The following IL1RAPL1 variants were observed in gnomAD, a reference collection of about 807,000 sequenced individuals.
The protein encoded by IL1RAPL1 is interleukin 1 receptor accessory protein like 1.
A neutral mutation model predicts 48.4 loss-of-function variants in IL1RAPL1; 3 were observed. The ratio of observed to expected loss-of-function variants is 0.06; its 90% CI spans 0.03 to 0.16. The LOEUF (loss-of-function observed/expected upper bound fraction) is 0.16. Ranked by LOEUF, IL1RAPL1 falls within the 10% of genes least tolerant of loss-of-function variation. The probability of loss-of-function intolerance (pLI) is 1.00; values close to 1 mark genes in which losing one functional copy is unlikely to be tolerated. For synonymous variants in IL1RAPL1, 185 were observed against 187.7 expected, an observed-to-expected ratio of 0.99 and a Z score of 0.12; for missense variants, 349 against 530.6, an observed-to-expected ratio of 0.66 and a Z score of 3.36.
chrX:28,660,289 A>T (rs1934807691), intron 1 of IL1RAPL1, among the ~76,000 whole-genome samples: 1 of 110,975 alleles, frequency 9.0e-6, no homozygotes, highest in East Asian at 2.8e-4. Context: ...TTTATAATAC[A>T]TGTAAGAGTT....
chrX:28,619,590 G>C, intron 1 of IL1RAPL1, among the ~76,000 whole-genome samples: 1 of 86,369 alleles, frequency 1.2e-5, no homozygotes, highest in Admixed American at 1.5e-4. Context: ...CTGGGCAACA[G>C]AGTGAGACCC....
intron 1 of IL1RAPL1, among the ~76,000 whole-genome samples, chrX:28,681,845 C>T (rs1027239561): frequency 3.3e-4 from 37 of 111,664 alleles, no homozygotes; most frequent in African/African-American, 1.0e-3. Flanking sequence ...AACTATTCAG[C>T]GGCCTTGAAT....
chrX:29,669,086 C>T (rs891056575), intron 6 of IL1RAPL1, among the ~76,000 whole-genome samples: 3 of 111,189 alleles, frequency 2.7e-5, no homozygotes, highest in South Asian at 3.7e-4. Flanking sequence ...CAATTATATA[C>T]GAATCAGAAT....
chrX:29,687,669 A>C (rs1601779392), intron 6 of IL1RAPL1, among the ~76,000 whole-genome samples: 1 of 112,300 alleles, frequency 8.9e-6, no homozygotes, highest in Non-Finnish European at 1.9e-5. Context: ...TCTCATAAAA[A>C]AGAAATGATA....
chrX:28,970,309 T>C (rs147116487), intron 2 of IL1RAPL1, among the ~76,000 whole-genome samples: 1,753 of 112,646 alleles, frequency 0.016, 39 homozygotes, highest in African/African-American at 0.054. Context: ...GCCAAAACTT[T>C]TACATCTTTA....
chrX:28,941,228 A>G (rs1472452809), intron 2 of IL1RAPL1, among the ~76,000 whole-genome samples: 7 of 111,409 alleles, frequency 6.3e-5, no homozygotes, highest in Non-Finnish European at 1.1e-4. Flanking sequence ...ACAGATATTC[A>G]TATTTGTACC....
At chrX:29,566,756 G>T (rs765119958) in intron 5 of IL1RAPL1, among the ~76,000 whole-genome samples, 9 of 112,153 alleles carry the variant, frequency 8.0e-5, no homozygotes, top group African/African-American at 2.3e-4. Flanking sequence ...TAGCAATATA[G>T]GTTATTAATA....
chrX:28,997,933 G>T (rs1247355888), intron 2 of IL1RAPL1, among the ~76,000 whole-genome samples: 1 of 111,792 alleles, frequency 8.9e-6, no homozygotes, highest in Non-Finnish European at 1.9e-5. Flanking sequence ...ATTCTACAAA[G>T]GTTTATGATT....
At chrX:28,869,487 C>T (rs1383050844) in intron 2 of IL1RAPL1, among the ~76,000 whole-genome samples, 1 of 111,495 alleles carries the variant, frequency 9.0e-6, no homozygotes, top group Non-Finnish European at 1.9e-5. Flanking sequence ...CATTGGAATA[C>T]TTATATAAAC....
At chrX:29,444,975 G>A (rs746433741) in intron 5 of IL1RAPL1, among the ~76,000 whole-genome samples, 22 of 112,319 alleles carry the variant, frequency 2.0e-4, no homozygotes, top group Non-Finnish European at 3.8e-4. Flanking sequence ...ATTGGGGTCA[G>A]TGTTGGAAAA....
intron 5 of IL1RAPL1, among the ~76,000 whole-genome samples, chrX:29,525,424 AG>A (rs1208416086): frequency 8.9e-6 from 1 of 112,307 alleles, no homozygotes; most frequent in African/African-American, 3.2e-5. Context: ...AGGCACTAGA[AG>A]GGGGGCTTTC....
intron 1 of IL1RAPL1, among the ~76,000 whole-genome samples, chrX:28,657,528 G>T (rs1934763367): frequency 8.9e-6 from 1 of 112,417 alleles, no homozygotes; most frequent in South Asian, 3.7e-4. Context: ...GGTTCTAAGG[G>T]AATTTGATTA....
chrX:29,108,736 A>G (rs1002942601), intron 2 of IL1RAPL1, among the ~76,000 whole-genome samples: 2 of 111,444 alleles, frequency 1.8e-5, no homozygotes, highest in Non-Finnish European at 3.8e-5. Flanking sequence ...AGCATTTAGT[A>G]TACGTCTTTG....
intron 6 of IL1RAPL1, among the ~76,000 whole-genome samples, chrX:29,704,160 C>T (rs1000298067): frequency 1.8e-5 from 2 of 109,813 alleles, no homozygotes; most frequent in Non-Finnish European, 3.8e-5. Context: ...AATTTCCTGT[C>T]CTCAAGGAAT....
chrX:29,690,212 G>A (rs976182498), intron 6 of IL1RAPL1, among the ~76,000 whole-genome samples: 1 of 111,658 alleles, frequency 9.0e-6, no homozygotes, highest in East Asian at 2.8e-4. Context: ...CAACATTTGT[G>A]GGAAATATGT....
intron 2 of IL1RAPL1, among the ~76,000 whole-genome samples, chrX:28,975,267 T>G: frequency 8.9e-6 from 1 of 112,102 alleles, no homozygotes; most frequent in East Asian, 2.8e-4. Context: ...CTGCAACTCT[T>G]GTTTATCCTG....
intron 8 of IL1RAPL1, among the ~76,000 whole-genome samples, chrX:29,939,743 T>G (rs2147250515): frequency 8.9e-6 from 1 of 112,374 alleles, no homozygotes; most frequent in African/African-American, 3.2e-5. Flanking sequence ...TTCTTCAATT[T>G]CCCATTTAAT....
chrX:28,777,391 A>G (rs1936372152), intron 1 of IL1RAPL1, among the ~76,000 whole-genome samples: 1 of 111,994 alleles, frequency 8.9e-6, no homozygotes, highest in Non-Finnish European at 1.9e-5. Flanking sequence ...GTAAGGTAAC[A>G]TGTTCATAAG....
intron 2 of IL1RAPL1, among the ~76,000 whole-genome samples, chrX:29,267,091 C>CT (rs1931966950): frequency 8.9e-6 from 1 of 111,873 alleles, no homozygotes; most frequent in African/African-American, 3.2e-5. Context: ...ACCACAAACT[C>CT]TATGTTCTAT....
Sources: gnomAD v4.1 joint callset for allele counts (sites outside exome capture counted in the v4.1 genomes callset) on GRCh38, gnomAD v4.1.1 for gene constraint, MANE v1.5 for transcripts, NCBI Gene and HGNC (gene_info 2026-07-23, HGNC 2026-07-21) for gene names.